Variants in LINGO2 observed in about 807,000 individuals in gnomAD.
LINGO2 encodes leucine-rich repeat and immunoglobulin-like domain-containing nogo receptor-interacting protein 2.
Under a neutral mutation model 30.6 loss-of-function variants are expected in LINGO2, and 14 were observed. That is an observed-to-expected ratio of 0.46 (90% CI 0.30 to 0.72). The LOEUF is 0.72. LINGO2 is among the 30% of genes least tolerant of loss of function. The pLI is 0.07. For missense variants in LINGO2, 729 were observed against 751.7 expected (o/e 0.97, Z 0.35); for synonymous variants, 317 against 288.5 (o/e 1.10, Z -1.00).
At chr9:28,674,271 T>C (rs1437273519), upstream of LINGO2, among the ~76,000 whole-genome samples, 1 of 152,110 alleles carries the variant, frequency 6.6e-6, no homozygotes, top group Non-Finnish European at 1.5e-5. Flanking sequence ...AATAATGTAA[T>C]AATCTTTAAG....
At chr9:28,286,581 T>G (rs1376976817) in intron 4 of LINGO2, among the ~76,000 whole-genome samples, 1 of 152,144 alleles carries the variant, frequency 6.6e-6, no homozygotes, top group Admixed American at 6.5e-5. Context: ...AATGATAGAC[T>G]GAGTAAAGAA....
At chr9:28,076,337 G>T (rs1342727145) in intron 4 of LINGO2, among the ~76,000 whole-genome samples, 1 of 151,960 alleles carries the variant, frequency 6.6e-6, no homozygotes, top group Non-Finnish European at 1.5e-5. Flanking sequence ...ATTGAAGCAT[G>T]AACATGCATA....
chr9:28,104,926 G>C (rs1211408096), intron 4 of LINGO2, among the ~76,000 whole-genome samples: 1 of 152,028 alleles, frequency 6.6e-6, no homozygotes, highest in Non-Finnish European at 1.5e-5. Flanking sequence ...AAATGAATGT[G>C]CTAACAAGAG....
intron 2 of LINGO2, among the ~76,000 whole-genome samples, chr9:28,379,379 A>G (rs1263302325): frequency 6.6e-6 from 1 of 152,058 alleles, no homozygotes; most frequent in Non-Finnish European, 1.5e-5. Flanking sequence ...TTTCTCTCTC[A>G]CTAGGAAAGT....
chr9:28,924,543 C>T, the LINGO2 span, among the ~76,000 whole-genome samples: 1 of 151,988 alleles, frequency 6.6e-6, no homozygotes, highest in Non-Finnish European at 1.5e-5. Context: ...TCAGAAAAAT[C>T]AAATAAACAG....
intron 1 of LINGO2, among the ~76,000 whole-genome samples, chr9:28,595,961 A>ATTTGTGTATCTT (rs1402606706): frequency 1.3e-5 from 2 of 152,162 alleles, no homozygotes; most frequent in African/African-American, 2.4e-5. Flanking sequence ...TAAAAACGGA[A>ATTTGTGTATCTT]TTTGTGTATC....
intron 1 of LINGO2, among the ~76,000 whole-genome samples, chr9:28,645,403 A>G (rs1410716980): frequency 2.0e-5 from 3 of 152,132 alleles, no homozygotes; most frequent in African/African-American, 7.2e-5. Context: ...TGGTATTTAA[A>G]ATAGAAATCA....
chr9:28,018,141 GACTGGCTAGCCATATGCAGA>G (rs1278676921), intron 4 of LINGO2, among the ~76,000 whole-genome samples: 1 of 152,032 alleles, frequency 6.6e-6, no homozygotes, highest in African/African-American at 2.4e-5. Context: ...GTGCTGGGCT[GACTGGCTAGCCATATGCAGA>G]AAATTGAAAC....
At chr9:28,268,778 C>T (rs1457489326) in intron 4 of LINGO2, among the ~76,000 whole-genome samples, 2 of 152,022 alleles carry the variant, frequency 1.3e-5, no homozygotes, top group African/African-American at 4.8e-5. Flanking sequence ...ATGCTGTAGA[C>T]AACACAATGT....
At chr9:28,959,543 AT>A in the LINGO2 span, among the ~76,000 whole-genome samples, 251 of 151,362 alleles carry the variant, frequency 1.7e-3, 1 homozygote, top group Non-Finnish European at 3.1e-3. Flanking sequence ...AATTAAATTT[AT>A]TTATCACTCA....
chr9:28,045,890 A>AC (rs1220559201), intron 4 of LINGO2, among the ~76,000 whole-genome samples: 1 of 152,022 alleles, frequency 6.6e-6, no homozygotes, highest in Non-Finnish European at 1.5e-5. Context: ...ACTACAACCC[A>AC]CCTCCTGAGG....
chr9:28,195,544 T>C (rs1281152299), intron 4 of LINGO2, among the ~76,000 whole-genome samples: 1 of 150,426 alleles, frequency 6.6e-6, no homozygotes, highest in African/African-American at 2.4e-5. Flanking sequence ...ATAATAATAA[T>C]TAAATAAATA....
chr9:28,234,772 A>T (rs1417125218), intron 4 of LINGO2, among the ~76,000 whole-genome samples: 1 of 152,130 alleles, frequency 6.6e-6, no homozygotes, highest in East Asian at 1.9e-4. Flanking sequence ...TGGGACTCAG[A>T]CTGGCTTACT....
At chr9:28,194,159 C>A (rs1445983836) in intron 4 of LINGO2, among the ~76,000 whole-genome samples, 1 of 152,132 alleles carries the variant, frequency 6.6e-6, no homozygotes, top group Non-Finnish European at 1.5e-5. Flanking sequence ...ATGAGAGATA[C>A]TGTCGTGGCC....
chr9:28,090,149 T>C lies in LINGO2; in HGVS notation c.-86-77744A>G, dbSNP rs749839772. On this transcript the variant is annotated intron_variant, in intron 4 of 5. Transcript: ENST00000379992. ...TACCAGAGGTACAAGAACAAGCTGGTACCATTCCTTCTGAAACTATTCCAA... is the reference window on the plus strand; with the variant it reads ...TACCAGAGGTACAAGAACAAGCTGGCACCATTCCTTCTGAAACTATTCCAA... 2.0e-5 allele frequency among the ~76,000 whole-genome samples: 3 copies of C among 152,306 alleles called. No individual in the cohort carries two copies. In the South Asian group the frequency reaches 6.2e-4, roughly 32 times the overall value.
intron 3 of LINGO2, among the ~76,000 whole-genome samples, chr9:28,324,679 C>T (rs995833077): frequency 6.6e-6 from 1 of 152,096 alleles, no homozygotes. Flanking sequence ...ATGGCAACAT[C>T]AGGAAGTTAC....
chr9:29,083,053 T>A, the LINGO2 span, among the ~76,000 whole-genome samples: 9 of 152,076 alleles, frequency 5.9e-5, no homozygotes, highest in African/African-American at 2.2e-4. Context: ...GAACTAGAAA[T>A]ACCATTTGAC....
chr9:28,059,913 G>A (rs1272905618), intron 4 of LINGO2, among the ~76,000 whole-genome samples: 2 of 151,838 alleles, frequency 1.3e-5, no homozygotes, highest in Non-Finnish European at 2.9e-5. Context: ...GAGGCAAAGG[G>A]GAGGGCTTTG....
chr9:29,004,101 A>G, the LINGO2 span, among the ~76,000 whole-genome samples: 6 of 152,126 alleles, frequency 3.9e-5, no homozygotes, highest in East Asian at 1.9e-4. Context: ...GATTTCCCAC[A>G]AAGATTTAAT....
Sources: gnomAD v4.1 joint callset for allele counts (sites outside exome capture counted in the v4.1 genomes callset) on GRCh38, gnomAD v4.1.1 for gene constraint, MANE v1.5 for transcripts, NCBI Gene and HGNC (gene_info 2026-07-23, HGNC 2026-07-21) for gene names.